PITPNB: variants seen among roughly 807,000 people sequenced by gnomAD.
PITPNB encodes phosphatidylinositol transfer protein beta.
A neutral mutation model predicts 45.9 loss-of-function variants in PITPNB; 16 were observed. The ratio of observed to expected loss-of-function variants is 0.35; its 90% CI spans 0.24 to 0.53. PITPNB has a LOEUF of 0.53. PITPNB is among the 20% of genes least tolerant of loss of function. The pLI, the probability that PITPNB is intolerant of heterozygous loss-of-function variation, is 0.93. For synonymous variants in PITPNB, 112 were observed against 108.9 expected, an observed-to-expected ratio of 1.03 and a Z score of -0.18; for missense variants, 188 against 330.5, an observed-to-expected ratio of 0.57 and a Z score of 3.34.
chr22:27,902,264 C>T (rs181707443), intron 3 of PITPNB, among the ~76,000 whole-genome samples: 146 of 152,108 alleles, frequency 9.6e-4, no homozygotes, highest in African/African-American at 3.4e-3. Context: ...ACTACAGGTC[C>T]TAAGACAGCA....
intron 8 of PITPNB, among the ~76,000 whole-genome samples, chr22:27,867,233 GAAC>G (rs1211909009): frequency 6.6e-6 from 1 of 151,966 alleles, no homozygotes; most frequent in Non-Finnish European, 1.5e-5. Context: ...AATTCAGTGT[GAAC>G]AACAGGAGAT....
At chr22:27,914,600 G>A (rs2146432822) in intron 1 of PITPNB, among the ~76,000 whole-genome samples, 1 of 152,264 alleles carries the variant, frequency 6.6e-6, no homozygotes, top group Non-Finnish European at 1.5e-5. Context: ...CAGCTGCAGA[G>A]ATTCTTGTGA....
chr22:27,861,643 A>G (rs746194226), intron 8 of PITPNB, among the ~76,000 whole-genome samples: 4 of 152,362 alleles, frequency 2.6e-5, no homozygotes, highest in Non-Finnish European at 4.4e-5. Context: ...CAGAAGGCAC[A>G]TATCAAAGCA....
intron 8 of PITPNB, among the ~76,000 whole-genome samples, chr22:27,873,065 C>T (rs771218379): frequency 6.6e-6 from 1 of 152,106 alleles, no homozygotes; most frequent in Non-Finnish European, 1.5e-5. Context: ...GTCGGGAGTT[C>T]GAGACCAGCC....
At chr22:27,915,908 G>C (rs964951731) in intron 1 of PITPNB, among the ~76,000 whole-genome samples, 2 of 152,140 alleles carry the variant, frequency 1.3e-5, no homozygotes, top group African/African-American at 4.8e-5. Flanking sequence ...CAAGAGGTAA[G>C]TGACAACTAC....
At chr22:27,892,332 T>C (rs935316217) in intron 7 of PITPNB, among the ~76,000 whole-genome samples, 1 of 152,198 alleles carries the variant, frequency 6.6e-6, no homozygotes, top group Non-Finnish European at 1.5e-5. Context: ...CATTTTCGCC[T>C]GAGGACAGGA....
chr22:27,883,773 T>G (rs527438120), intron 7 of PITPNB, among the ~76,000 whole-genome samples: 11 of 152,292 alleles, frequency 7.2e-5, no homozygotes, highest in African/African-American at 2.4e-4. Flanking sequence ...AGAACTGGAC[T>G]AGTGGACAGA....
chr22:27,904,254 G>A (rs568274603), intron 3 of PITPNB, among the ~76,000 whole-genome samples: 2 of 152,326 alleles, frequency 1.3e-5, no homozygotes, highest in Non-Finnish European at 2.9e-5. Context: ...ACTGATGAAT[G>A]GATAAACAAA....
chr22:27,869,557 C>T (rs538161914), intron 8 of PITPNB, among the ~76,000 whole-genome samples: 2 of 152,136 alleles, frequency 1.3e-5, no homozygotes, highest in East Asian at 1.9e-4. Context: ...CACGTGAACC[C>T]GGATGTGTTT....
At chr22:27,899,898 G>T (rs1368082295) in intron 3 of PITPNB, among the ~76,000 whole-genome samples, 1 of 151,976 alleles carries the variant, frequency 6.6e-6, no homozygotes, top group Non-Finnish European at 1.5e-5. Context: ...GGTTCAGCTG[G>T]TCAACTTAGA....
Position 27,896,454 on chromosome 22 carries a change from T to TACTAGTCTA in PITPNB, c.372+97_372+98insTAGACTAGT, listed in dbSNP as rs138605028. 1,680 of 832,828 alleles carry TACTAGTCTA rather than the reference T, an allele frequency of 2.0e-3. 13 individuals are homozygous for TACTAGTCTA. In the African/African-American group the frequency reaches 0.022, roughly 11 times the overall value. The allele number at this position is 832,828 out of a possible 1,614,324, so 51.6% of individuals were successfully genotyped here. On this transcript the variant is annotated intron_variant, in intron 6 of 11. Coordinates refer to ENST00000335272, the MANE Select transcript of PITPNB (RefSeq NM_012399.5). ...TTTGACACAGCTTGGTGCGGTCAGA[T>TACTAGTCTA]ACACAGGTGACATTACTTTGATGAT...
intron 1 of PITPNB, 167 bp downstream of exon 1, chr22:27,919,005 C>T: frequency 3.2e-6 from 3 of 947,982 alleles, no homozygotes; most frequent in Non-Finnish European, 3.4e-6. Flanking sequence ...GGCCGAGGGG[C>T]GCACTCGCTG....
intron 7 of PITPNB, among the ~76,000 whole-genome samples, chr22:27,874,774 A>G (rs113793621): frequency 6.6e-6 from 1 of 152,246 alleles, no homozygotes; most frequent in Non-Finnish European, 1.5e-5. Flanking sequence ...GCAAAGAAAG[A>G]GACAGCAGGG....
intron 7 of PITPNB, among the ~76,000 whole-genome samples, chr22:27,876,305 T>G (rs1457037218): frequency 6.6e-6 from 1 of 152,212 alleles, no homozygotes; most frequent in Non-Finnish European, 1.5e-5. Flanking sequence ...TACAACTGTG[T>G]GTATGTAAAA....
At chr22:27,911,138 G>GT in intron 2 of PITPNB, 29 bp from the exon 3 acceptor site, 1 of 1,582,898 alleles carries the variant, frequency 6.3e-7, no homozygotes, top group Non-Finnish European at 8.7e-7. Context: ...CAGAAACTGA[G>GT]TAAGTCAGTA....
intron 3 of PITPNB, among the ~76,000 whole-genome samples, chr22:27,903,883 G>A (rs1343883510): frequency 3.3e-5 from 5 of 150,244 alleles, no homozygotes; most frequent in African/African-American, 1.2e-4. Flanking sequence ...CACTTGAAAA[G>A]ATGTTAACAT....
intron 3 of PITPNB, among the ~76,000 whole-genome samples, chr22:27,900,807 G>C (rs767471932): frequency 6.6e-6 from 1 of 152,072 alleles, no homozygotes; most frequent in Non-Finnish European, 1.5e-5. Context: ...TTACCACTTA[G>C]CAAGGCACTT....
intron 7 of PITPNB, among the ~76,000 whole-genome samples, chr22:27,874,979 C>A (rs1934779215): frequency 6.6e-6 from 1 of 152,168 alleles, no homozygotes; most frequent in South Asian, 2.1e-4. Context: ...TACGAACTTT[C>A]CACAAATCAA....
intron 7 of PITPNB, among the ~76,000 whole-genome samples, chr22:27,880,151 A>C (rs1408830432): frequency 6.6e-6 from 1 of 152,122 alleles, no homozygotes; most frequent in Non-Finnish European, 1.5e-5. Flanking sequence ...TCTTTGCCAG[A>C]GTCCACCATC....
Sources: allele counts gnomAD v4.1 joint callset (sites outside exome capture counted in the v4.1 genomes callset), GRCh38; gene constraint gnomAD v4.1.1; transcripts MANE v1.5; gene names NCBI Gene and HGNC (gene_info 2026-07-23, HGNC 2026-07-21).